Variants in RFLNA observed in about 807,000 individuals in gnomAD.
RFLNA encodes the protein refilin A, also known as refilin-A.
Under a neutral mutation model 7.8 loss-of-function variants are expected in RFLNA, and 5 were observed. The ratio of observed to expected loss-of-function variants is 0.64; its 90% CI spans 0.34 to 1.35. RFLNA has a LOEUF of 1.35. RFLNA is among the 40% of genes most tolerant of loss of function. The pLI is 0.04. For synonymous variants in RFLNA, 141 were observed against 131.3 expected (o/e 1.07, Z -0.50); for missense variants, 278 against 305.5 (o/e 0.91, Z 0.67).
upstream of RFLNA, among the ~76,000 whole-genome samples, chr12:124,293,485 C>T (rs1025350291): frequency 2.0e-5 from 3 of 152,030 alleles, no homozygotes; most frequent in South Asian, 2.1e-4. Context: ...CCACCGCTTT[C>T]GTCCTAGTCA....
At chr12:124,309,319 G>A (rs987667245) in intron 1 of RFLNA, among the ~76,000 whole-genome samples, 2 of 152,192 alleles carry the variant, frequency 1.3e-5, no homozygotes, top group Admixed American at 1.3e-4. Flanking sequence ...CCTCCTGACA[G>A]TTGGAATCTT....
chr12:124,294,464 G>C (rs34630941), upstream of RFLNA, among the ~76,000 whole-genome samples: 6,946 of 152,314 alleles, frequency 0.046, 174 homozygotes, highest in African/African-American at 0.06. Flanking sequence ...GGAAACACGT[G>C]TTCTTCTCTC....
At chr12:124,290,874 C>T (rs1437471385), upstream of RFLNA, among the ~76,000 whole-genome samples, 1 of 152,178 alleles carries the variant, frequency 6.6e-6, no homozygotes, top group Non-Finnish European at 1.5e-5. This position sits in a 1 kb window ranked among gnomAD's most constrained non-coding sequence, Gnocchi z 4.0. Context: ...GGCCAATTGC[C>T]CAGATCACAC....
At position 124,314,832 on chromosome 12, in the gene RFLNA, T is replaced by C; in HGVS notation, c.*307T>C. ...CACCCCCAGGGTCAGGGGAAAAGAA[T>C]GGGTCCATGGAGTGCCCTTGAAGCA... On this transcript the variant is annotated 3_prime_UTR_variant, in exon 3 of 3. Coordinates refer to ENST00000546355, the MANE Select transcript of RFLNA (RefSeq NM_001365156.1). 1 of 580,110 alleles carries C rather than the reference T, an allele frequency of 1.7e-6. No homozygotes were observed. Among genetic ancestry groups the C allele is most frequent in the South Asian group, 1.6e-5 (1 of 63,558 alleles). The allele number at this position is 580,110 out of a possible 1,614,324, so 35.9% of individuals were successfully genotyped here.
Position 124,295,645 on chromosome 12 carries a change from G to A in RFLNA, c.207+9G>A. 8.2e-7 allele frequency: 1 copy of A among 1,226,832 alleles called. No individual in the cohort carries two copies. Among genetic ancestry groups the A allele is most frequent in the Admixed American group, 4.3e-5 (1 of 23,144 alleles). The allele number at this position is 1,226,832 out of a possible 1,614,324, so 76.0% of individuals were successfully genotyped here. A position where few individuals can be genotyped will look rare whatever the true frequency, so the allele number is the denominator to read the frequency against. Reference sequence around the variant, plus strand: ...CCAGCGAGGCCAGAGCGGTAAGGAGGCGCTCTCTCTCCCAAACGGGGGACC... The same window carrying A: ...CCAGCGAGGCCAGAGCGGTAAGGAGACGCTCTCTCTCCCAAACGGGGGACC... On this transcript the variant is annotated intron_variant, in intron 1 of 2. Coordinates refer to ENST00000546355, the MANE Select transcript of RFLNA (RefSeq NM_001365156.1).
At chr12:124,298,062 T>C (rs1185310945) in intron 1 of RFLNA, among the ~76,000 whole-genome samples, 3 of 152,218 alleles carry the variant, frequency 2.0e-5, no homozygotes, top group Non-Finnish European at 2.9e-5. Context: ...CGGGTTTCCA[T>C]GTGGGCCTCA....
At chr12:124,309,241 G>C (rs1483168836) in intron 1 of RFLNA, among the ~76,000 whole-genome samples, 1 of 152,180 alleles carries the variant, frequency 6.6e-6, no homozygotes, top group Non-Finnish European at 1.5e-5. Context: ...GCACTGCACA[G>C]GGAAGCACTC....
intron 1 of RFLNA, among the ~76,000 whole-genome samples, chr12:124,301,751 C>T (rs911159142): frequency 4.6e-5 from 7 of 152,116 alleles, no homozygotes; most frequent in African/African-American, 1.2e-4. Flanking sequence ...GAGACCCTGC[C>T]CCAAGCCCCG....
intron 1 of RFLNA, among the ~76,000 whole-genome samples, chr12:124,309,433 G>A (rs534144494): frequency 4.6e-5 from 7 of 152,234 alleles, no homozygotes; most frequent in East Asian, 3.9e-4. Flanking sequence ...AGTACAGAGC[G>A]CAGTGCCGGC....
At chr12:124,290,529 T>C (rs1285526212), upstream of RFLNA, among the ~76,000 whole-genome samples, 1 of 152,036 alleles carries the variant, frequency 6.6e-6, no homozygotes, top group Non-Finnish European at 1.5e-5. The surrounding 1 kb of genome is among the most constrained non-coding windows in gnomAD (Gnocchi z 4.0). Flanking sequence ...TGTGTATATT[T>C]GTGTTTATGT....
upstream of RFLNA, among the ~76,000 whole-genome samples, chr12:124,291,445 C>T (rs774868358): frequency 2.5e-4 from 38 of 152,096 alleles, no homozygotes; most frequent in African/African-American, 4.8e-4. Flanking sequence ...TTAGTAGAGA[C>T]GGGGTTTCAC....
At chr12:124,311,966 G>T in intron 2 of RFLNA, 39 bp downstream of exon 2, 1 of 1,468,638 alleles carries the variant, frequency 6.8e-7, no homozygotes, top group African/African-American at 1.4e-5. Context: ...AGGAGGGGGT[G>T]GGGGGTTGGG....
rs778947839 is a variant in RFLNA at position 124,314,377 on chromosome 12, CCAT to C, written c.508_510del (p.Ile170del). The C allele has an allele frequency of 4.3e-6, 7 of 1,612,340 alleles. No homozygotes were observed. The highest frequency in any genetic ancestry group is 5.9e-6 in the Non-Finnish European group (7 of 1,179,944). ...CGCGCCCTGCGCTTCCGCAGCACCA[CCAT>C]CATCTTCCCCAAGCATGCCAGGAGC... On this transcript the variant is annotated inframe_deletion, in exon 3 of 3. Coordinates refer to ENST00000546355, the MANE Select transcript of RFLNA (RefSeq NM_001365156.1).
chr12:124,290,865 G>A (rs1031974064), upstream of RFLNA, among the ~76,000 whole-genome samples: 1 of 152,176 alleles, frequency 6.6e-6, no homozygotes. The surrounding 1 kb of genome is among the most constrained non-coding windows in gnomAD (Gnocchi z 4.0). Context: ...GAAAGGGCAG[G>A]CCAATTGCCC....
chr12:124,303,592 G>A (rs746166927), intron 1 of RFLNA, among the ~76,000 whole-genome samples: 4 of 152,176 alleles, frequency 2.6e-5, no homozygotes, highest in East Asian at 1.9e-4. Flanking sequence ...CTGTGTGCCC[G>A]AGAAGCACTT....
At chr12:124,310,172 C>CAAAAAA (rs71088996) in intron 1 of RFLNA, among the ~76,000 whole-genome samples, 2,231 of 17,080 alleles carry the variant, frequency 0.13, 601 homozygotes, top group Middle Eastern at 0.21. Context: ...GACTCTGTCT[C>CAAAAAA]AAAAAAAAAA....
intron 1 of RFLNA, among the ~76,000 whole-genome samples, chr12:124,309,740 C>T (rs1032743797): frequency 1.3e-5 from 2 of 152,190 alleles, no homozygotes; most frequent in Admixed American, 6.5e-5. Context: ...CAGGAGGATG[C>T]CTCATAACAT....
chr12:124,314,419 C>T lies in RFLNA; in HGVS notation c.545C>T (p.Thr182Ile), dbSNP rs761512239. The T allele has an allele frequency of 3.1e-6, 5 of 1,606,132 alleles. No individual in the cohort carries two copies. The South Asian group carries it at 5.5e-5, about 18-fold the overall frequency. The change falls in exon 3 of 3, where the codon ACC (threonine) becomes ATC (isoleucine). Residue 182 changes from threonine to isoleucine, a missense_variant. By Grantham distance (89) the Thr-to-Ile change is moderately conservative (BLOSUM62 -1). Transcript: ENST00000546355. ...PKHARSTFRT[T>I]LHCSLGRPSR... ...CATGCCAGGAGCACTTTCCGGACCA[C>T]CCTGCACTGCAGCCTGGGCCGGCCC... is the stretch of plus-strand genomic sequence containing the variant.
intron 1 of RFLNA, among the ~76,000 whole-genome samples, chr12:124,305,748 G>A (rs1262620454): frequency 6.6e-6 from 1 of 152,198 alleles, no homozygotes; most frequent in Non-Finnish European, 1.5e-5. Flanking sequence ...TCCCATCTCA[G>A]AATTCTTAAT....
Sources: allele counts gnomAD v4.1 joint callset (sites outside exome capture counted in the v4.1 genomes callset), GRCh38; gene constraint gnomAD v4.1.1; non-coding constraint Gnocchi (gnomAD v3.1); transcripts MANE v1.5; gene names NCBI Gene and HGNC (gene_info 2026-07-23, HGNC 2026-07-21).